DTNBP1: variants seen among roughly 807,000 people sequenced by gnomAD.
DTNBP1 encodes dystrobrevin binding protein 1.
A neutral mutation model predicts 42.8 loss-of-function variants in DTNBP1; 35 were observed. The observed-to-expected ratio is 0.82, with a 90% CI of 0.63 to 1.09. The LOEUF is 1.09. Among genes scored for constraint, DTNBP1 ranks in the 50% least tolerant of loss-of-function variants. The pLI is 0.00. For missense variants in DTNBP1, 457 were observed against 424.2 expected, an observed-to-expected ratio of 1.08 and a Z score of -0.68; for synonymous variants, 171 against 162.2, an observed-to-expected ratio of 1.05 and a Z score of -0.41.
intron 9 of DTNBP1, 98 bp from the exon 10 acceptor site, chr6:15,523,317 G>T (rs2127784765): frequency 6.5e-7 from 1 of 1,535,514 alleles, no homozygotes. Flanking sequence ...ATGAAAGGGG[G>T]GTGTGGTTTT....
At chr6:15,586,499 T>G (rs887911146) in intron 7 of DTNBP1, among the ~76,000 whole-genome samples, 1 of 151,862 alleles carries the variant, frequency 6.6e-6, no homozygotes, top group African/African-American at 2.4e-5. Flanking sequence ...CTGTTCCTTT[T>G]TCATACAAAT....
chr6:15,574,015 T>C (rs1775456138), intron 7 of DTNBP1, among the ~76,000 whole-genome samples: 1 of 152,126 alleles, frequency 6.6e-6, no homozygotes, highest in Admixed American at 6.5e-5. Context: ...TCTCCTTTGT[T>C]AAAAGAAAAT....
intron 5 of DTNBP1, among the ~76,000 whole-genome samples, chr6:15,625,233 A>G (rs1759273536): frequency 6.6e-6 from 1 of 152,230 alleles, no homozygotes; most frequent in South Asian, 2.1e-4. Context: ...GATAATTCAG[A>G]TTGGCAATAT....
At chr6:15,650,915 T>C (rs939991522) in intron 3 of DTNBP1, among the ~76,000 whole-genome samples, 1 of 152,184 alleles carries the variant, frequency 6.6e-6, no homozygotes, top group African/African-American at 2.4e-5. Context: ...GTGCTTTTGA[T>C]GTTATATCTA....
intron 7 of DTNBP1, among the ~76,000 whole-genome samples, chr6:15,581,013 A>T (rs1253128957): frequency 6.6e-6 from 1 of 152,206 alleles, no homozygotes; most frequent in South Asian, 2.1e-4. Context: ...CTGAAGCCTT[A>T]GAAGGTTGGT....
intron 7 of DTNBP1, among the ~76,000 whole-genome samples, chr6:15,558,069 A>G (rs1774626710): frequency 6.6e-6 from 1 of 151,646 alleles, no homozygotes; most frequent in Admixed American, 6.6e-5. Flanking sequence ...TACTGGAAAC[A>G]CCTATAATTT....
intron 1 of DTNBP1, among the ~76,000 whole-genome samples, chr6:15,661,217 A>G (rs1288118435): frequency 6.6e-6 from 1 of 152,242 alleles, no homozygotes; most frequent in Non-Finnish European, 1.5e-5. Context: ...GGCTGGGCGC[A>G]GTGACTAATA....
chr6:15,610,961 C>T (rs751521669), intron 6 of DTNBP1, among the ~76,000 whole-genome samples: 6 of 152,182 alleles, frequency 3.9e-5, no homozygotes, highest in East Asian at 3.9e-4. Context: ...GATCTAGCTA[C>T]GATAACTGAT....
chr6:15,550,450 A>G (rs1774148506), intron 7 of DTNBP1, among the ~76,000 whole-genome samples: 1 of 152,222 alleles, frequency 6.6e-6, no homozygotes, highest in Non-Finnish European at 1.5e-5. Flanking sequence ...TACTTGCAAT[A>G]CAAAATATTT....
At position 15,662,969 on chromosome 6, in the gene DTNBP1, C is replaced by T. The variant is rs574820668; in HGVS notation, c.-100G>A. ...CCAACCCCGCGCTGTCACCGCGCGCCCCGCACTCCCACTACCGGCCCCGCC... is the reference window on the plus strand; with the variant it reads ...CCAACCCCGCGCTGTCACCGCGCGCTCCGCACTCCCACTACCGGCCCCGCC... On this transcript the variant is annotated 5_prime_UTR_variant, in exon 1 of 10. Coordinates refer to ENST00000344537, the MANE Select transcript of DTNBP1 (RefSeq NM_032122.5). 126 of 1,521,812 alleles carry T rather than the reference C, an allele frequency of 8.3e-5. 1 individual carries two copies. The Middle Eastern group carries it at 1.4e-3, about 17-fold the overall frequency. The allele number at this position is 1,521,812 out of a possible 1,614,324, so 94.3% of individuals were successfully genotyped here.
In DTNBP1 at chr6:15,587,786, C is replaced by T. The variant is rs1015216860; in HGVS notation, c.511+5273G>A. ...AATGAAGGTAGACTTTTAACTCACA[C>T]GAACACAAGGCTTAACTGAAAATGG... On this transcript the variant is annotated intron_variant, in intron 7 of 9. Coordinates refer to ENST00000344537, the MANE Select transcript of DTNBP1 (RefSeq NM_032122.5). This position sits in a 1 kb window ranked among gnomAD's most constrained non-coding sequence, Gnocchi z 4.1. 2.6e-5 allele frequency among the ~76,000 whole-genome samples: 4 copies of T among 152,136 alleles called. No homozygotes were observed. The highest frequency in any genetic ancestry group is 5.9e-5 in the Non-Finnish European group (4 of 68,024).
chr6:15,630,428 C>T (rs747569870), intron 4 of DTNBP1, among the ~76,000 whole-genome samples: 8 of 152,182 alleles, frequency 5.3e-5, no homozygotes, highest in Non-Finnish European at 1.0e-4. Context: ...TAATGTCAAA[C>T]TGTTAAACAA....
At chr6:15,563,783 C>T (rs1340870801) in intron 7 of DTNBP1, among the ~76,000 whole-genome samples, 1 of 152,204 alleles carries the variant, frequency 6.6e-6, no homozygotes, top group Non-Finnish European at 1.5e-5. Context: ...CCCAGCTGGG[C>T]GCAGTGGCTC....
chr6:15,611,444 G>A (rs1044010712), intron 6 of DTNBP1, among the ~76,000 whole-genome samples: 7 of 152,132 alleles, frequency 4.6e-5, no homozygotes, highest in African/African-American at 7.2e-5. Context: ...TGTTGTGAAC[G>A]CAACACTGAT....
At chr6:15,545,660 GT>G (rs753692947) in intron 7 of DTNBP1, among the ~76,000 whole-genome samples, 2 of 152,184 alleles carry the variant, frequency 1.3e-5, no homozygotes, top group Non-Finnish European at 2.9e-5. Context: ...CAACTACTGA[GT>G]TGGTCACAAA....
At chr6:15,539,004 T>C (rs1773404873) in intron 7 of DTNBP1, among the ~76,000 whole-genome samples, 1 of 152,134 alleles carries the variant, frequency 6.6e-6, no homozygotes. Context: ...CATCCCCACA[T>C]TCCCAGCACC....
intron 5 of DTNBP1, among the ~76,000 whole-genome samples, chr6:15,618,294 G>A (rs1334684900): frequency 6.6e-6 from 1 of 151,982 alleles, no homozygotes; most frequent in Non-Finnish European, 1.5e-5. Context: ...AATACAAATC[G>A]AAACCACAAT....
Position 15,527,404 on chromosome 6 carries a change from C to A in DTNBP1, c.668-2735G>T, listed in dbSNP as rs554295637. 7.2e-5 allele frequency among the ~76,000 whole-genome samples: 11 copies of A among 152,244 alleles called. No individual in the cohort carries two copies. The East Asian group carries it at 1.7e-3, about 24-fold the overall frequency. ...TTGGTAACTGCTAGGAAAACTTTCA[C>A]ACATCTAATTATTTTTAAAAAACAT... On this transcript the variant is annotated intron_variant, in intron 8 of 9. Transcript: ENST00000344537.
chr6:15,627,197 T>G (rs1446913800), intron 5 of DTNBP1, 146 bp downstream of exon 5: 1 of 1,045,930 alleles, frequency 9.6e-7, no homozygotes, highest in African/African-American at 1.6e-5. Context: ...AATCCTCAAC[T>G]AATCAAAATA....
Sources: allele counts gnomAD v4.1 joint callset (sites outside exome capture counted in the v4.1 genomes callset), GRCh38; gene constraint gnomAD v4.1.1; non-coding constraint Gnocchi (gnomAD v3.1); transcripts MANE v1.5; gene names NCBI Gene and HGNC (gene_info 2026-07-23, HGNC 2026-07-21).